HSD17B4: variants seen among roughly 807,000 people sequenced by gnomAD.
HSD17B4 encodes hydroxysteroid 17-beta dehydrogenase 4, also known as peroxisomal multifunctional enzyme type 2.
HSD17B4 carries 70 observed loss-of-function variants against 101.0 expected under a neutral mutation model. The ratio of observed to expected loss-of-function variants is 0.69; its 90% CI spans 0.57 to 0.85. The LOEUF (loss-of-function observed/expected upper bound fraction) is 0.85, where lower values mean the gene tolerates loss of function less well. Among genes scored for constraint, HSD17B4 ranks in the 40% least tolerant of loss-of-function variants. HSD17B4 has a pLI of 0.00. For missense variants in HSD17B4, 984 were observed against 892.4 expected (o/e 1.10, Z -1.31); for synonymous variants, 347 against 297.1 (o/e 1.17, Z -1.73).
At chr5:119,468,406 T>C (rs1433243296) in intron 2 of HSD17B4, among the ~76,000 whole-genome samples, 1 of 151,956 alleles carries the variant, frequency 6.6e-6, no homozygotes. Flanking sequence ...GGCAGGTTTT[T>C]GTTTTTTTTT....
rs1230208146 is a variant in HSD17B4, at chr5:119,476,598, C to G, written c.349+728C>G. The G allele has an allele frequency of 8.1e-6, 8 of 985,148 alleles. No homozygotes were observed. In the East Asian group the frequency reaches 6.8e-4, roughly 84 times the overall value. The allele number at this position is 985,148 out of a possible 1,614,324, so 61.0% of individuals were successfully genotyped here. ...TTAGTGTCTTTGATTTAGAATTAAGCTAAGAAGAGCTTTTAGTTTCTGCTT... is the reference window on the plus strand; with the variant it reads ...TTAGTGTCTTTGATTTAGAATTAAGGTAAGAAGAGCTTTTAGTTTCTGCTT... On this transcript the variant is annotated intron_variant, in intron 6 of 23. Coordinates refer to ENST00000510025, the MANE Select transcript of HSD17B4 (RefSeq NM_000414.4).
intron 8 of HSD17B4, among the ~76,000 whole-genome samples, chr5:119,480,964 C>T (rs946471643): frequency 3.9e-4 from 60 of 152,316 alleles, no homozygotes; most frequent in Non-Finnish European, 7.2e-4. Context: ...TTAAGGTTAT[C>T]TCTCTTATTC....
In HSD17B4 at chr5:119,452,589, T is replaced by G. The variant is rs1158314495; in HGVS notation, c.14T>G (p.Leu5Arg). Residue 5 changes from leucine to arginine, a missense_variant, in exon 1 of 24, where the codon CTG becomes CGG. Physicochemically the swap from Leu to Arg is moderately radical, Grantham distance 102. Transcript: ENST00000510025. MGSP[L>R]RFDGRVVLVT... The stretch of plus-strand genomic sequence containing the variant: ...CAGGCCTTATTCATGGGCTCACCGC[T>G]GAGGTTCGACGGGCGGGTGGTACTG... 7.4e-6 allele frequency: 12 copies of G among 1,613,886 alleles called. No homozygotes were observed. The highest frequency in any genetic ancestry group is 2.5e-6 in the Non-Finnish European group (3 of 1,179,974).
chr5:119,540,321 C>T (rs886092100), intron 23 of HSD17B4, among the ~76,000 whole-genome samples: 9 of 150,416 alleles, frequency 6.0e-5, no homozygotes, highest in African/African-American at 2.3e-4. Context: ...AGAGAGTTTG[C>T]TGTGATGTCC....
chr5:119,475,660 T>C lies in HSD17B4; in HGVS notation c.281-46T>C, dbSNP rs1042560561. The C allele has an allele frequency of 2.0e-6, 3 of 1,475,216 alleles. No individual in the cohort carries two copies. The African/African-American group carries it at 4.2e-5, about 20-fold the overall frequency. 91.4% of individuals were successfully genotyped at this position (1,475,216 alleles called of 1,614,324 possible). The stretch of plus-strand genomic sequence containing the variant: ...ATGTGAGTTGTAAGCAAATGCAAAC[T>C]AATATGCTTGCTTTTAGATGTAACT... On this transcript the variant is annotated intron_variant, in intron 4 of 23. Coordinates refer to ENST00000510025, the MANE Select transcript of HSD17B4 (RefSeq NM_000414.4).
At position 119,478,925 on chromosome 5, in the gene HSD17B4, A is replaced by G. The variant is rs775766910; in HGVS notation, c.526A>G (p.Asn176Asp). 1 of 1,613,566 alleles carries G rather than the reference A, an allele frequency of 6.2e-7. No individual in the cohort carries two copies. The highest frequency in any genetic ancestry group is 1.7e-5 in the Admixed American group (1 of 59,972). ...AAAGTTGGGTCTTCTGGGCCTTGCA[A>G]ATTCTCTTGCAATTGAAGGCAGGAA... ...AAKLGLLGLA[N>D]SLAIEGRKSN... The change falls in exon 8 of 24, where the codon AAT becomes GAT. Residue 176 changes from asparagine to aspartate, a missense_variant. Coordinates refer to ENST00000510025, the MANE Select transcript of HSD17B4 (RefSeq NM_000414.4).
In HSD17B4 at chr5:119,478,980, C is replaced by T. The variant is rs1748860891; in HGVS notation, c.581C>T (p.Pro194Leu). ...AACATTCATTGTAACACCATTGCTC[C>T]TAATGCGGGATCACGGATGACTCAG... ...KSNIHCNTIA[P>L]NAGSRMTQTV... Residue 194 changes from proline to leucine, a missense_variant, in exon 8 of 24, where the codon CCT (proline) becomes CTT (leucine). Pro to Leu is a moderately conservative substitution (Grantham distance 98). Coordinates refer to ENST00000510025, the MANE Select transcript of HSD17B4 (RefSeq NM_000414.4). 1.9e-6 allele frequency: 3 copies of T among 1,613,514 alleles called. No homozygotes were observed. The highest frequency in any genetic ancestry group is 1.3e-5 in the African/African-American group (1 of 74,878).
At chr5:119,480,138 T>C (rs898277198) in intron 8 of HSD17B4, among the ~76,000 whole-genome samples, 1 of 152,202 alleles carries the variant, frequency 6.6e-6, no homozygotes, top group Non-Finnish European at 1.5e-5. Flanking sequence ...TATTTGTCTT[T>C]TTTGTTGAGA....
At chr5:119,468,614 T>C (rs1756042778) in intron 2 of HSD17B4, among the ~76,000 whole-genome samples, 1 of 152,156 alleles carries the variant, frequency 6.6e-6, no homozygotes, top group Admixed American at 6.5e-5. Flanking sequence ...TTGGGTTGAA[T>C]CCATTTGAAG....
At position 119,475,725 on chromosome 5, in the gene HSD17B4, T is replaced by C; in HGVS notation, c.300T>C (p.Ala100=). The change falls in exon 5 of 24, where the codon GCT becomes GCC. Residue 100 remains alanine, a splice_region_variant and synonymous_variant. Coordinates refer to ENST00000510025, the MANE Select transcript of HSD17B4 (RefSeq NM_000414.4). The part of the protein sequence containing the change: ...FGRIDVVVNN[A]GILRDRSFAR... ...TTGTAGATGTTGTGGTCAACAATGC[T>C]GGGTGAGTATTTCTTTTTCATTTTT... The C allele has an allele frequency of 6.3e-7, 1 of 1,598,320 alleles. No individual in the cohort carries two copies. The highest frequency in any genetic ancestry group is 8.6e-7 in the Non-Finnish European group (1 of 1,167,132).
At position 119,479,008 on chromosome 5, in the gene HSD17B4, A is replaced by G. The variant is rs1748865338; in HGVS notation, c.609A>G (p.Thr203=). ...APNAGSRMTQ[T]VMPEDLVEAL... is the part of the protein sequence containing the mutation. ...ATGCGGGATCACGGATGACTCAGAC[A>G]GTTATGCCTGAAGGTAAGTAAGCAA... Residue 203 remains threonine, a synonymous_variant, in exon 8 of 24, where the codon ACA becomes ACG. Coordinates refer to ENST00000510025, the MANE Select transcript of HSD17B4 (RefSeq NM_000414.4). 2 of 1,613,182 alleles carry G rather than the reference A, an allele frequency of 1.2e-6. No homozygotes were observed. The highest frequency in any genetic ancestry group is 2.7e-5 in the African/African-American group (2 of 75,016).
At position 119,474,463 on chromosome 5, in the gene HSD17B4, G is replaced by C. The variant is rs1430724264; in HGVS notation, c.280+3G>C. On this transcript the variant is annotated splice_donor_region_variant and intron_variant, in intron 4 of 23. Coordinates refer to ENST00000510025, the MANE Select transcript of HSD17B4 (RefSeq NM_000414.4). ...CCTGGATGCTTTTGGAAGAATAGGT[G>C]ATGTTTCTTTGTGTTATGGCTCTTG... The C allele has an allele frequency of 6.3e-7, 1 of 1,584,848 alleles. No homozygotes were observed.
At chr5:119,471,724 T>C in intron 2 of HSD17B4, 1 of 1,280,430 alleles carries the variant, frequency 7.8e-7, no homozygotes, top group Non-Finnish European at 1.1e-6. Context: ...GTTCTGTTTT[T>C]CCAAGTTATT....
intron 16 of HSD17B4, among the ~76,000 whole-genome samples, chr5:119,512,419 A>G (rs1322954523): frequency 6.6e-6 from 1 of 152,266 alleles, no homozygotes; most frequent in East Asian, 1.9e-4. Flanking sequence ...AAAGCCAGAA[A>G]CGAAAAGGTT....
chr5:119,482,018 G>T (rs962081350), intron 8 of HSD17B4, among the ~76,000 whole-genome samples: 13 of 151,892 alleles, frequency 8.6e-5, no homozygotes, highest in African/African-American at 3.1e-4. Context: ...ATGCTGCCTG[G>T]TGTCCTCTGA....
chr5:119,540,702 A>C (rs1037158522), intron 23 of HSD17B4, among the ~76,000 whole-genome samples: 7 of 152,170 alleles, frequency 4.6e-5, no homozygotes, highest in African/African-American at 1.4e-4. Context: ...TTCTGGAATA[A>C]AAAGTTGTTG....
Position 119,529,930 on chromosome 5 carries a change from T to C in HSD17B4, c.1804T>C (p.Tyr602His), listed in dbSNP as rs376159810. ...ETGDIVISNA[Y>H]VDLAPTSGTS... ...TGGAGACATTGTCATTTCAAATGCA[T>C]ATGTGGATCTTGCACCAACATCTGG... The change falls in exon 21 of 24, where the codon TAT becomes CAT. Residue 602 changes from tyrosine (Y) to histidine (H), a missense_variant. Coordinates refer to ENST00000510025, the MANE Select transcript of HSD17B4 (RefSeq NM_000414.4). 6 of 1,610,518 alleles carry C rather than the reference T, an allele frequency of 3.7e-6. No individual in the cohort carries two copies. The African/African-American group carries it at 4.0e-5, about 11-fold the overall frequency.
chr5:119,502,827 T>G (rs1048737403), intron 14 of HSD17B4, among the ~76,000 whole-genome samples: 1 of 152,174 alleles, frequency 6.6e-6, no homozygotes, highest in Non-Finnish European at 1.5e-5. Flanking sequence ...TGCTTGAAGC[T>G]GAATAGCTTT....
At chr5:119,456,408 A>G (rs367652465) in intron 2 of HSD17B4, 40 bp downstream of exon 2, 1 of 1,134,344 alleles carries the variant, frequency 8.8e-7, no homozygotes, top group African/African-American at 1.5e-5. Context: ...GTAGCTGATA[A>G]CTGAAATACA....
Sources: gnomAD v4.1 joint callset for allele counts (sites outside exome capture counted in the v4.1 genomes callset) on GRCh38, gnomAD v4.1.1 for gene constraint, MANE v1.5 for transcripts, NCBI Gene and HGNC (gene_info 2026-07-23, HGNC 2026-07-21) for gene names.